Variants in HM13 observed in about 807,000 individuals in gnomAD.
The protein encoded by HM13 is histocompatibility minor 13.
In HM13, 18 loss-of-function variants were observed where a neutral mutation model predicts 50.0. The observed-to-expected ratio is 0.36, with a 90% confidence interval of 0.25 to 0.53. The LOEUF (loss-of-function observed/expected upper bound fraction) is 0.53, where lower values mean the gene tolerates loss of function less well. Ranked by LOEUF, HM13 falls within the 20% of genes least tolerant of loss-of-function variation. The pLI, the probability that HM13 is intolerant of heterozygous loss-of-function variation, is 0.90. For missense variants in HM13, 393 were observed against 552.4 expected, an observed-to-expected ratio of 0.71 and a Z score of 2.89; for synonymous variants, 197 against 232.6, an observed-to-expected ratio of 0.85 and a Z score of 1.39.
rs150364424 is a variant in HM13 at position 31,569,283 on chromosome 20, G to C, written c.*64G>C. The C allele has an allele frequency of 3.4e-6, 4 of 1,184,718 alleles. No individual in the cohort carries two copies. In the South Asian group the frequency reaches 3.9e-5, roughly 11 times the overall value. 73.4% of individuals were successfully genotyped at this position (1,184,718 alleles called of 1,614,324 possible). A position where few individuals can be genotyped will look rare whatever the true frequency, so the allele number is the denominator to read the frequency against. On this transcript the variant is annotated 3_prime_UTR_variant, in exon 13 of 13. Transcript: ENST00000398174. ...AGATGGGGGCTGGGCCCACACAGGC[G>C]TGCACCGGTAGAGGGCACAGGAGGC... is the stretch of plus-strand genomic sequence containing the variant.
intron 3 of HM13, among the ~76,000 whole-genome samples, chr20:31,542,732 G>C (rs1983517152): frequency 6.6e-6 from 1 of 152,176 alleles, no homozygotes; most frequent in South Asian, 2.1e-4. Flanking sequence ...TATCAATCTA[G>C]AGACTTGCTA....
At position 31,514,559 on chromosome 20, in the gene HM13, C is replaced by G. The variant is rs970802635; in HGVS notation, c.8C>G (p.Ser3Trp). 1 of 1,605,620 alleles carries G rather than the reference C, an allele frequency of 6.2e-7. No homozygotes were observed. Among genetic ancestry groups the G allele is most frequent in the African/African-American group, 1.3e-5 (1 of 74,950 alleles). ...CCCGAACGCACCCTCGCCATGGACTCGGCCCTCAGCGATCCGCATAACGGC... is the reference window on the plus strand; with the variant it reads ...CCCGAACGCACCCTCGCCATGGACTGGGCCCTCAGCGATCCGCATAACGGC... MDSALSDPHNGSA... is the reference protein window; with the variant it reads MDWALSDPHNGSA... The change falls in exon 1 of 13, where the codon TCG (serine) becomes TGG (tryptophan). Residue 3 changes from serine to tryptophan, a missense_variant. By Grantham distance (177) the Ser-to-Trp change is radical. Transcript: ENST00000398174. The surrounding 1 kb of genome is among the most constrained non-coding windows in gnomAD (Gnocchi z 4.3).
chr20:31,521,372 A>T (rs890221835), intron 1 of HM13, among the ~76,000 whole-genome samples: 1 of 152,292 alleles, frequency 6.6e-6, no homozygotes, highest in African/African-American at 2.4e-5. Context: ...GCTGTGTGAC[A>T]CTAAGCAAGT....
At chr20:31,551,219 C>T (rs916077827) in intron 7 of HM13, among the ~76,000 whole-genome samples, 1 of 152,120 alleles carries the variant, frequency 6.6e-6, no homozygotes, top group Non-Finnish European at 1.5e-5. Context: ...TTTGTCATCT[C>T]ACACTACAGC....
chr20:31,561,648 C>T lies in HM13; in HGVS notation c.860C>T (p.Thr287Ile), dbSNP rs1467114113. The T allele has an allele frequency of 1.2e-6, 2 of 1,612,366 alleles. No homozygotes were observed. Among genetic ancestry groups the T allele is most frequent in the East Asian group, 4.5e-5 (2 of 44,878 alleles). Reference protein sequence around the residue: ...LRFDISLKKNTHTYFYTSFAA... With the variant: ...LRFDISLKKNIHTYFYTSFAA... ...CTTCCCTGCAGCTTGAAGAAGAATA[C>T]CCACACCTACTTCTACACCAGCTTT... The change falls in exon 10 of 13, where the codon ACC becomes ATC. Residue 287 changes from threonine (T) to isoleucine (I), a missense_variant. Around this residue, in one of 3 missense-constraint regions of HM13, gnomAD observed 74 missense variants for 160.4 expected, o/e 0.46. Coordinates refer to ENST00000398174, the MANE Select transcript of HM13 (RefSeq NM_178581.3).
chr20:31,547,892 C>G (rs1013797609), intron 4 of HM13: 14 of 1,055,122 alleles, frequency 1.3e-5, no homozygotes, highest in South Asian at 3.8e-5. Context: ...GCAGTAGATA[C>G]GATTGTAGCA....
intron 9 of HM13, 26 bp downstream of exon 9, chr20:31,559,673 C>T: frequency 6.2e-7 from 1 of 1,612,762 alleles, no homozygotes. Context: ...CCTGCCCCAG[C>T]ATGGGCTTCT....
chr20:31,559,529 T>G, intron 8 of HM13, 82 bp from the exon 9 acceptor site: 1 of 1,363,462 alleles, frequency 7.3e-7, no homozygotes, highest in Non-Finnish European at 1.1e-6. Flanking sequence ...GAACACCAGG[T>G]TGGGGACCAG....
At chr20:31,568,041 T>A in intron 11 of HM13, 37 bp from the exon 12 acceptor site, 1 of 1,525,754 alleles carries the variant, frequency 6.6e-7, no homozygotes, top group Non-Finnish European at 8.9e-7. Flanking sequence ...TCCCTATCCA[T>A]CTCTTTTTTT....
At chr20:31,524,212 C>G (rs1982348916) in intron 1 of HM13, among the ~76,000 whole-genome samples, 2 of 151,980 alleles carry the variant, frequency 1.3e-5, no homozygotes, top group Non-Finnish European at 1.5e-5. Context: ...TGCACTCCAG[C>G]TTGGGCAACA....
chr20:31,534,149 A>G (rs937413137), intron 2 of HM13, among the ~76,000 whole-genome samples: 12 of 151,168 alleles, frequency 7.9e-5, no homozygotes, highest in Non-Finnish European at 1.3e-4. Flanking sequence ...AAGTGCTGGG[A>G]TTACAGGCGC....
chr20:31,557,632 G>A (rs1056123100), intron 8 of HM13, among the ~76,000 whole-genome samples: 7 of 149,166 alleles, frequency 4.7e-5, no homozygotes, highest in Non-Finnish European at 8.9e-5. Context: ...CTCCTACAGA[G>A]TATTCATTGA....
intron 3 of HM13, among the ~76,000 whole-genome samples, chr20:31,542,844 C>T (rs922829930): frequency 2.6e-5 from 4 of 152,136 alleles, no homozygotes; most frequent in African/African-American, 9.7e-5. Flanking sequence ...AGATGAGGAA[C>T]AGTTGCACAG....
chr20:31,521,481 T>G (rs1035753301), intron 1 of HM13, among the ~76,000 whole-genome samples: 2 of 152,156 alleles, frequency 1.3e-5, no homozygotes, highest in Non-Finnish European at 2.9e-5. Context: ...ATCCCAGCAC[T>G]TCGGGAGGCC....
At chr20:31,523,042 T>TGG (rs1568779700) in intron 1 of HM13, among the ~76,000 whole-genome samples, 63 of 116,438 alleles carry the variant, frequency 5.4e-4, no homozygotes, top group African/African-American at 2.8e-3. Context: ...GGGGTTTTTT[T>TGG]TGGGAGGGGG....
At position 31,569,227 on chromosome 20, in the gene HM13, G is replaced by GGTGCCC; in HGVS notation, c.*10_*15dup. On this transcript the variant is annotated 3_prime_UTR_variant, in exon 13 of 13. Transcript: ENST00000398174. ...GAGAAGAAAGAGAAATGATGCAGCT[G>GGTGCCC]GTGCCCGAGCCTCTCAGGGCCAGAC... 6.4e-7 allele frequency: 1 copy of GGTGCCC among 1,553,378 alleles called. No homozygotes were observed. Among genetic ancestry groups the GGTGCCC allele is most frequent in the Non-Finnish European group, 8.8e-7 (1 of 1,141,918 alleles).
chr20:31,569,329 G>A lies in HM13; in HGVS notation c.*110G>A. 1.5e-6 allele frequency: 1 copy of A among 678,204 alleles called. No individual in the cohort carries two copies. The highest frequency in any genetic ancestry group is 2.5e-6 in the Non-Finnish European group (1 of 392,634). 42.0% of individuals were successfully genotyped at this position (678,204 alleles called of 1,614,324 possible). On this transcript the variant is annotated 3_prime_UTR_variant, in exon 13 of 13. Coordinates refer to ENST00000398174, the MANE Select transcript of HM13 (RefSeq NM_178581.3). Reference sequence around the variant, plus strand: ...GAGGCCAAGGGCAGCTCCAGGACAGGGCAGGGGGCAGCAGGATACCTCCAG... The same window carrying A: ...GAGGCCAAGGGCAGCTCCAGGACAGAGCAGGGGGCAGCAGGATACCTCCAG...
intron 1 of HM13, among the ~76,000 whole-genome samples, chr20:31,515,076 T>C (rs1981691892): frequency 6.6e-6 from 1 of 152,194 alleles, no homozygotes; most frequent in African/African-American, 2.4e-5. Flanking sequence ...TCTGAGCCTG[T>C]TGGGCCCAGG....
chr20:31,517,195 A>G (rs892335531), intron 1 of HM13, among the ~76,000 whole-genome samples: 7 of 152,050 alleles, frequency 4.6e-5, no homozygotes, highest in Admixed American at 2.6e-4. Flanking sequence ...GTTGGGAGAG[A>G]GGGAATGTGA....
Sources: gnomAD v4.1 joint callset for allele counts (sites outside exome capture counted in the v4.1 genomes callset) on GRCh38, gnomAD v4.1.1 for gene constraint, gnomAD v4.1.1 regional missense constraint, Gnocchi (gnomAD v3.1) non-coding constraint, MANE v1.5 for transcripts, NCBI Gene and HGNC (gene_info 2026-07-23, HGNC 2026-07-21) for gene names.